Variants in SPATA18 observed in about 807,000 individuals in gnomAD.
The protein encoded by SPATA18 is spermatogenesis associated 18.
In SPATA18, 54 loss-of-function variants were observed where a neutral mutation model predicts 68.1. That is an observed-to-expected ratio of 0.79 (90% confidence interval 0.64 to 0.99). The LOEUF is 0.99. Ranked by LOEUF, SPATA18 falls within the 50% of genes least tolerant of loss-of-function variation. The pLI is 0.00. For missense variants in SPATA18, 724 were observed against 681.1 expected (o/e 1.06, Z -0.70); for synonymous variants, 242 against 244.8 (o/e 0.99, Z 0.11).
rs1264426352 is a variant in SPATA18, at chr4:52,095,046, C to T, written c.*159C>T. The T allele has an allele frequency of 7.6e-6, 6 of 791,674 alleles. No individual in the cohort carries two copies. Among genetic ancestry groups the T allele is most frequent in the African/African-American group, 1.8e-5 (1 of 57,094 alleles). 49.0% of individuals were successfully genotyped at this position (791,674 alleles called of 1,614,324 possible). On this transcript the variant is annotated 3_prime_UTR_variant, in exon 13 of 13. Transcript: ENST00000295213. ...CAGAGAGTTAAATGTTTTGGCTTGG[C>T]GCATTTGTAACTTTAGATATATTGC...
intron 11 of SPATA18, among the ~76,000 whole-genome samples, chr4:52,086,617 A>T (rs1741459588): frequency 6.6e-6 from 1 of 152,212 alleles, no homozygotes; most frequent in Admixed American, 6.5e-5. Context: ...ATGGCTGCAT[A>T]GTATTCCATG....
At chr4:52,093,042 C>T (rs1742123759) in intron 11 of SPATA18, among the ~76,000 whole-genome samples, 1 of 152,052 alleles carries the variant, frequency 6.6e-6, no homozygotes. Context: ...CTAATTGGTA[C>T]TAGGCTTAAT....
At position 52,096,369 on chromosome 4, in the gene SPATA18, G is replaced by T. The variant is rs1332695955; in HGVS notation, c.*1482G>T. 1 of 152,096 alleles carries T rather than the reference G, an allele frequency of 6.6e-6. No homozygotes were observed. The highest frequency in any genetic ancestry group is 1.5e-5 in the Non-Finnish European group (1 of 68,020). The allele number at this position is 152,096 out of a possible 1,614,324, so 9.4% of individuals were successfully genotyped here. On this transcript the variant is annotated 3_prime_UTR_variant, in exon 13 of 13. Coordinates refer to ENST00000295213, the MANE Select transcript of SPATA18 (RefSeq NM_145263.4). ...CTCTGAGCCTTGGTTTTATCATAGG[G>T]TGAGGAGGTTGGATACAATTAGTGC...
chr4:52,092,273 G>A (rs1317311668), intron 11 of SPATA18, among the ~76,000 whole-genome samples: 1 of 150,552 alleles, frequency 6.6e-6, no homozygotes, highest in Non-Finnish European at 1.5e-5. Context: ...AAAAAAAAAA[G>A]CCCCTGCAGC....
At chr4:52,094,671 G>C in intron 12 of SPATA18, 99 bp downstream of exon 12, 1 of 1,384,644 alleles carries the variant, frequency 7.2e-7, no homozygotes, top group Non-Finnish European at 1.0e-6. Flanking sequence ...GCTTCCTAGA[G>C]AGCATCTTTT....
chr4:52,079,802 T>C lies in SPATA18; in HGVS notation c.1238T>C (p.Phe413Ser), dbSNP rs762034190. 6.8e-6 allele frequency: 11 copies of C among 1,613,954 alleles called. No homozygotes were observed. The highest frequency in any genetic ancestry group is 9.3e-6 in the Non-Finnish European group (11 of 1,179,950). Reference sequence around the variant, plus strand: ...ATTTCATTCCCTCCTGTCGTTGACTTTTGCCTTCTCAGTGACTTCATCCAG... The same window carrying C: ...ATTTCATTCCCTCCTGTCGTTGACTCTTGCCTTCTCAGTGACTTCATCCAG... ...PKISFPPVVD[F>S]CLLSDFIQEI... The change falls in exon 9 of 13, where the codon TTT (phenylalanine) becomes TCT (serine). Residue 413 changes from phenylalanine (F) to serine (S), a missense_variant. Transcript: ENST00000295213.
chr4:52,077,069 CCTTAGGGCAGCCGG>C, intron 7 of SPATA18, 29 bp downstream of exon 7: 1 of 1,564,064 alleles, frequency 6.4e-7, no homozygotes, highest in Non-Finnish European at 8.7e-7. Flanking sequence ...ACTCCCGGCT[CCTTAGGGCAGCCGG>C]GAGACAAGTT....
chr4:52,057,616 G>T (rs746022183), intron 1 of SPATA18, among the ~76,000 whole-genome samples: 5 of 152,144 alleles, frequency 3.3e-5, no homozygotes, highest in Non-Finnish European at 1.5e-5. Context: ...CCTCTTTTAT[G>T]CTAGACTCTG....
At chr4:52,060,334 G>T in intron 1 of SPATA18, 85 bp from the exon 2 acceptor site, 11 of 1,045,814 alleles carry the variant, frequency 1.1e-5, no homozygotes, top group Non-Finnish European at 1.6e-5. Context: ...CAGGCAGCTC[G>T]TGGGTCAAGT....
intron 11 of SPATA18, among the ~76,000 whole-genome samples, chr4:52,087,696 G>A (rs1741557605): frequency 6.6e-6 from 1 of 152,098 alleles, no homozygotes; most frequent in African/African-American, 2.4e-5. Flanking sequence ...TTTGAAGTCA[G>A]GTAGCGTGAT....
At chr4:52,062,163 A>G (rs1353874041) in intron 3 of SPATA18, 57 bp from the exon 4 acceptor site, 10 of 1,080,282 alleles carry the variant, frequency 9.3e-6, no homozygotes, top group Non-Finnish European at 1.3e-5. Context: ...AAATTCATCC[A>G]TGTCATTTAA....
chr4:52,072,786 C>G (rs978684426), intron 6 of SPATA18, among the ~76,000 whole-genome samples: 2 of 152,140 alleles, frequency 1.3e-5, no homozygotes, highest in South Asian at 2.1e-4. Context: ...AAAAAATGTT[C>G]TGTAATATGA....
chr4:52,086,664 A>C (rs1370429636), intron 11 of SPATA18, among the ~76,000 whole-genome samples: 2 of 152,138 alleles, frequency 1.3e-5, no homozygotes, highest in Non-Finnish European at 2.9e-5. Flanking sequence ...CCATTCTATC[A>C]TTGATGGGCA....
Position 52,096,936 on chromosome 4 carries a change from G to A in SPATA18, c.*2049G>A, listed in dbSNP as rs1742476713. The A allele has an allele frequency of 2.0e-5, 3 of 151,668 alleles. No individual in the cohort carries two copies. The highest frequency in any genetic ancestry group is 2.0e-4 in the Admixed American group (3 of 15,218). 9.4% of individuals were successfully genotyped at this position (151,668 alleles called of 1,614,324 possible). A position where few individuals can be genotyped will look rare whatever the true frequency, so the allele number is the denominator to read the frequency against. The stretch of plus-strand genomic sequence containing the variant: ...TACATATCAGAATTTTTTTTTTCAG[G>A]AGCCAAGCACATATACTGATTTGGA... On this transcript the variant is annotated 3_prime_UTR_variant, in exon 13 of 13. Transcript: ENST00000295213.
chr4:52,069,822 C>G lies in SPATA18; in HGVS notation c.424C>G (p.Leu142Val), dbSNP rs905582508. ...RSQCNQVQDD[L>V]VETEKNLEES... ...TTTAGTTACTGATTTATCTTACAGTCTGGTTGAAACTGAAAAGAATCTTGA... is the reference window on the plus strand; with the variant it reads ...TTTAGTTACTGATTTATCTTACAGTGTGGTTGAAACTGAAAAGAATCTTGA... Residue 142 changes from leucine to valine, a missense_variant and splice_region_variant, in exon 5 of 13, where the codon CTG becomes GTG. Coordinates refer to ENST00000295213, the MANE Select transcript of SPATA18 (RefSeq NM_145263.4). 2 of 1,567,150 alleles carry G rather than the reference C, an allele frequency of 1.3e-6. No individual in the cohort carries two copies. Among genetic ancestry groups the G allele is most frequent in the Admixed American group, 1.7e-5 (1 of 58,020 alleles).
Position 52,094,523 on chromosome 4 carries a change from C to T in SPATA18, c.1564-4C>T. The stretch of plus-strand genomic sequence containing the variant: ...AATTCACATTATTCTTTTATATTTT[C>T]CAGATGTCTCGAAGTCGGAGTCCTT... On this transcript the variant is annotated splice_polypyrimidine_tract_variant and splice_region_variant and intron_variant, in intron 11 of 12. Coordinates refer to ENST00000295213, the MANE Select transcript of SPATA18 (RefSeq NM_145263.4). 1 of 1,612,652 alleles carries T rather than the reference C, an allele frequency of 6.2e-7. No homozygotes were observed. The highest frequency in any genetic ancestry group is 1.3e-5 in the African/African-American group (1 of 74,998).
chr4:52,053,594 G>T (rs181212220), intron 1 of SPATA18, among the ~76,000 whole-genome samples: 91 of 152,234 alleles, frequency 6.0e-4, no homozygotes, highest in Non-Finnish European at 6.5e-4. Context: ...CTATTGAAAT[G>T]CTCAGAATGC....
intron 6 of SPATA18, among the ~76,000 whole-genome samples, chr4:52,073,028 A>AC (rs1053625544): frequency 6.6e-6 from 1 of 151,252 alleles, no homozygotes; most frequent in Admixed American, 6.6e-5. Context: ...CTTTTTAACA[A>AC]CCCCCCTCAA....
At chr4:52,073,575 A>G (rs571867438) in intron 6 of SPATA18, among the ~76,000 whole-genome samples, 1 of 152,268 alleles carries the variant, frequency 6.6e-6, no homozygotes, top group African/African-American at 2.4e-5. Context: ...AGTTCTAGAC[A>G]AGCCTGAGCA....
Sources: gnomAD v4.1 joint callset for allele counts (sites outside exome capture counted in the v4.1 genomes callset) on GRCh38, gnomAD v4.1.1 for gene constraint, MANE v1.5 for transcripts, NCBI Gene and HGNC (gene_info 2026-07-23, HGNC 2026-07-21) for gene names.